Variants in CD244 observed in about 807,000 individuals in gnomAD.
CD244 encodes natural killer cell receptor 2B4.
CD244 carries 20 observed loss-of-function variants against 45.5 expected under a neutral mutation model. The ratio of observed to expected loss-of-function variants is 0.44; its 90% CI spans 0.31 to 0.64. CD244 has a LOEUF of 0.64. Among genes scored for constraint, CD244 ranks in the 30% least tolerant of loss-of-function variants. CD244 has a pLI of 0.08. For missense variants in CD244, 407 were observed against 426.9 expected, an observed-to-expected ratio of 0.95 and a Z score of 0.41; for synonymous variants, 185 against 160.5, an observed-to-expected ratio of 1.15 and a Z score of -1.15.
intron 1 of CD244, among the ~76,000 whole-genome samples, chr1:160,857,410 G>A (rs1225233800): frequency 2.0e-5 from 3 of 152,070 alleles, no homozygotes; most frequent in Non-Finnish European, 2.9e-5. Flanking sequence ...TAATAGAAAA[G>A]GTGAATAAAC....
At chr1:160,835,684 C>CA (rs1388163665) in intron 6 of CD244, among the ~76,000 whole-genome samples, 3 of 151,490 alleles carry the variant, frequency 2.0e-5, no homozygotes, top group Admixed American at 1.3e-4. Context: ...CACCTGTTCC[C>CA]AAAAAAACCT....
chr1:160,848,142 G>T, intron 1 of CD244: 1 of 460,662 alleles, frequency 2.2e-6, no homozygotes, highest in Admixed American at 2.5e-5. Context: ...AGAGAGAAAT[G>T]ATTTGGTTAC....
intron 1 of CD244, among the ~76,000 whole-genome samples, chr1:160,853,886 G>A (rs1670012251): frequency 6.6e-6 from 1 of 151,950 alleles, no homozygotes; most frequent in Non-Finnish European, 1.5e-5. Flanking sequence ...CCCAGGGTGT[G>A]AGGCAAGCAT....
At chr1:160,855,082 A>G (rs927240145) in intron 1 of CD244, among the ~76,000 whole-genome samples, 4 of 152,202 alleles carry the variant, frequency 2.6e-5, no homozygotes, top group African/African-American at 9.7e-5. Flanking sequence ...CATTTACAGG[A>G]GTAGATGAAG....
Position 160,831,367 on chromosome 1 carries a change from T to G in CD244, c.1078A>C (p.Asn360His), listed in dbSNP as rs183207926. 6.2e-7 allele frequency: 1 copy of G among 1,613,926 alleles called. No individual in the cohort carries two copies. The highest frequency in any genetic ancestry group is 2.2e-5 in the East Asian group (1 of 44,892). The change falls in exon 9 of 9, where the codon AAC becomes CAC. Residue 360 changes from asparagine to histidine, a missense_variant. Asn to His is a moderately conservative substitution (Grantham distance 68, BLOSUM62 1). Coordinates refer to ENST00000368034, the MANE Select transcript of CD244 (RefSeq NM_016382.4). ...PARLSRKELENFDVYS is the reference protein window; with the variant it reads ...PARLSRKELEHFDVYS The stretch of plus-strand genomic sequence containing the variant: ...AGCAACTAGGAATAAACATCAAAGT[T>G]CTCCAGCTCTTTGCGGCTCAATCGA...
At chr1:160,834,746 C>G (rs953031831) in intron 6 of CD244, among the ~76,000 whole-genome samples, 1 of 152,222 alleles carries the variant, frequency 6.6e-6, no homozygotes, top group Non-Finnish European at 1.5e-5. Context: ...TAGCCCAAGT[C>G]AGGCAGTGCG....
intron 1 of CD244, among the ~76,000 whole-genome samples, chr1:160,851,908 A>G (rs1669933003): frequency 6.6e-6 from 1 of 152,252 alleles, no homozygotes; most frequent in Admixed American, 6.5e-5. Context: ...AAGAATATTG[A>G]TAAATTGGAC....
Position 160,841,370 on chromosome 1 carries a change from G to A in CD244, c.495C>T (p.Tyr165=). The change falls in exon 3 of 9, where the codon TAC becomes TAT. Residue 165 remains tyrosine (Y), a synonymous_variant. Coordinates refer to ENST00000368034, the MANE Select transcript of CD244 (RefSeq NM_016382.4). ...SRDGNVSYAW[Y]RGSKLIQTAG... is the part of the protein sequence containing the mutation. ...CTGTCTGGATCAGCTTGCTCCCTCTGTACCAAGCATAGGACACATTGCCAT... is the reference window on the plus strand; with the variant it reads ...CTGTCTGGATCAGCTTGCTCCCTCTATACCAAGCATAGGACACATTGCCAT... 6.2e-7 allele frequency: 1 copy of A among 1,614,196 alleles called. No homozygotes were observed. The highest frequency in any genetic ancestry group is 8.5e-7 in the Non-Finnish European group (1 of 1,180,024).
At chr1:160,862,578 A>G (rs1453141478) in intron 1 of CD244, 39 bp downstream of exon 1, 9 of 1,585,606 alleles carry the variant, frequency 5.7e-6, no homozygotes, top group Non-Finnish European at 7.8e-6. Context: ...CACAGCTCCT[A>G]GTCCCTCCCT....
intron 1 of CD244, among the ~76,000 whole-genome samples, chr1:160,858,614 C>T (rs1214571030): frequency 6.6e-6 from 1 of 152,216 alleles, no homozygotes; most frequent in Non-Finnish European, 1.5e-5. Flanking sequence ...ACATCCCAGG[C>T]TGCCCGTTAA....
At chr1:160,831,883 T>TTCTC (rs1010179515) in intron 8 of CD244, among the ~76,000 whole-genome samples, 37 of 152,304 alleles carry the variant, frequency 2.4e-4, no homozygotes, top group African/African-American at 7.2e-4. Flanking sequence ...ATGCCTTAAT[T>TTCTC]TCTCTGAGTA....
chr1:160,831,975 C>T (rs1162213640), intron 8 of CD244, among the ~76,000 whole-genome samples: 1 of 152,152 alleles, frequency 6.6e-6, no homozygotes, highest in African/African-American at 2.4e-5. Flanking sequence ...CACTGGCAGG[C>T]TACCTTATCC....
intron 1 of CD244, among the ~76,000 whole-genome samples, chr1:160,854,806 T>C (rs77533176): frequency 0.017 from 2,659 of 152,318 alleles, 34 homozygotes; most frequent in South Asian, 0.036. Context: ...TTATATTAGT[T>C]TATACATTTA....
chr1:160,832,297 A>G (rs923552073), intron 8 of CD244, among the ~76,000 whole-genome samples: 1 of 152,186 alleles, frequency 6.6e-6, no homozygotes, highest in Non-Finnish European at 1.5e-5. Flanking sequence ...CTGCCCAGTA[A>G]GTATCATATC....
intron 1 of CD244, among the ~76,000 whole-genome samples, chr1:160,844,758 C>T (rs2101877770): frequency 6.6e-6 from 1 of 152,198 alleles, no homozygotes; most frequent in Non-Finnish European, 1.5e-5. Context: ...GCAGATCACT[C>T]AAGGTCGGGA....
intron 3 of CD244, chr1:160,839,292 C>A: frequency 2.5e-6 from 1 of 396,578 alleles, no homozygotes; most frequent in Non-Finnish European, 4.5e-6. Flanking sequence ...GTGAGCTCTG[C>A]ACTATTTATT....
chr1:160,839,809 T>C (rs1010655918), intron 3 of CD244, among the ~76,000 whole-genome samples: 1 of 152,198 alleles, frequency 6.6e-6, no homozygotes. Context: ...CATTCCTTTG[T>C]TTTTAACTCA....
At chr1:160,837,867 C>T (rs1256983956) in intron 5 of CD244, among the ~76,000 whole-genome samples, 2 of 152,238 alleles carry the variant, frequency 1.3e-5, no homozygotes, top group Non-Finnish European at 2.9e-5. Context: ...TCTTGGATGA[C>T]AGGCAGAGTT....
intron 1 of CD244, among the ~76,000 whole-genome samples, chr1:160,851,877 A>AC (rs1669932252): frequency 2.0e-5 from 3 of 151,980 alleles, no homozygotes; most frequent in East Asian, 1.9e-4. Context: ...CACACACACA[A>AC]AAATAAATCA....
Sources: allele counts gnomAD v4.1 joint callset (sites outside exome capture counted in the v4.1 genomes callset), GRCh38; gene constraint gnomAD v4.1.1; transcripts MANE v1.5; gene names NCBI Gene and HGNC (gene_info 2026-07-23, HGNC 2026-07-21).